GALT: variants seen among roughly 807,000 people sequenced by gnomAD.
The protein encoded by GALT is UDP-glucose--hexose-1-phosphate uridylyltransferase.
A neutral mutation model predicts 55.4 loss-of-function variants in GALT; 42 were observed. The ratio of observed to expected loss-of-function variants is 0.76; its 90% CI spans 0.59 to 0.98. The LOEUF (loss-of-function observed/expected upper bound fraction) is 0.98, where lower values mean the gene tolerates loss of function less well. GALT is among the 50% of genes least tolerant of loss of function. The probability of loss-of-function intolerance (pLI) is 0.00; values close to 1 mark genes in which losing one functional copy is unlikely to be tolerated. For missense variants in GALT, 407 were observed against 495.7 expected (o/e 0.82, Z 1.70); for synonymous variants, 154 against 181.5 (o/e 0.85, Z 1.22).
rs574155491 is a variant in GALT, at chr9:34,649,605, T to G, written c.1059+41T>G. 4.4e-5 allele frequency: 71 copies of G among 1,606,690 alleles called. 1 individual carries two copies. In the South Asian group the frequency reaches 7.4e-4, roughly 17 times the overall value. On this transcript the variant is annotated intron_variant, in intron 10 of 10. Coordinates refer to ENST00000378842, the MANE Select transcript of GALT (RefSeq NM_000155.4). ...AGTCTGGCGTCTCCAGACTCTCACA[T>G]GCAGTATGTGCAGGCACCTGATACT...
rs1821141144 is a variant in GALT, at chr9:34,647,690, C to T, written c.362C>T (p.Ser121Phe). 6.2e-7 allele frequency: 1 copy of T among 1,614,050 alleles called. No homozygotes were observed. Among genetic ancestry groups the T allele is most frequent in the Admixed American group, 1.7e-5 (1 of 60,008 alleles). Residue 121 changes from serine to phenylalanine, a missense_variant, in exon 4 of 11, where the codon TCT becomes TTT. Physicochemically the swap from Ser to Phe is radical, Grantham distance 155 (BLOSUM62 -2). Coordinates refer to ENST00000378842, the MANE Select transcript of GALT (RefSeq NM_000155.4). This position sits in a 1 kb window ranked among gnomAD's most constrained non-coding sequence, Gnocchi z 5.6. Reference sequence around the variant, plus strand: ...GATCATCCCCTTTTCCAAGCAAAGTCTGCTCGAGGAGTCTGGTAACTATGG... The same window carrying T: ...GATCATCCCCTTTTCCAAGCAAAGTTTGCTCGAGGAGTCTGGTAACTATGG... ...PSDHPLFQAK[S>F]ARGVCKVMCF...
intron 1 of GALT, 121 bp from the exon 2 acceptor site, chr9:34,646,968 C>T: frequency 1.2e-6 from 2 of 1,606,286 alleles, no homozygotes; most frequent in Non-Finnish European, 8.5e-7. Flanking sequence ...TCCTGGGCCT[C>T]TAGCTCCTGA....
In GALT at chr9:34,647,803, C is replaced by T. The variant is rs367973697; in HGVS notation, c.378-29C>T. ...CGTAGCACAGCCAAGCCCTACCTCTCGGTTATCTTTTCTCCCGTCACCACC... is the reference window on the plus strand; with the variant it reads ...CGTAGCACAGCCAAGCCCTACCTCTTGGTTATCTTTTCTCCCGTCACCACC... On this transcript the variant is annotated intron_variant, in intron 4 of 10. Transcript: ENST00000378842. The surrounding 1 kb of genome is among the most constrained non-coding windows in gnomAD (Gnocchi z 5.6). 30 of 1,614,194 alleles carry T rather than the reference C, an allele frequency of 1.9e-5. No homozygotes were observed. Among genetic ancestry groups the T allele is most frequent in the East Asian group, 6.7e-5 (3 of 44,888 alleles).
chr9:34,647,364 C>T lies in GALT; in HGVS notation c.252+106C>T. ...TAGTGAACCTCCTTCTGGGTCATAT[C>T]CCACCAAGCTTTTTGGTCCCCTAGG... On this transcript the variant is annotated intron_variant, in intron 2 of 10. Transcript: ENST00000378842. This position sits in a 1 kb window ranked among gnomAD's most constrained non-coding sequence, Gnocchi z 5.6. 6.3e-7 allele frequency: 1 copy of T among 1,586,262 alleles called. No individual in the cohort carries two copies. The highest frequency in any genetic ancestry group is 8.7e-7 in the Non-Finnish European group (1 of 1,155,718).
Position 34,649,060 on chromosome 9 carries a change from C to A in GALT, c.883C>A (p.Pro295Thr), listed in dbSNP as rs111033783. Residue 295 changes from proline to threonine, a missense_variant, in exon 9 of 11, where the codon CCC becomes ACC. Transcript: ENST00000378842. Reference protein sequence around the residue: ...KYDNLFETSFPYSMGWHGAPT... With the variant: ...KYDNLFETSFTYSMGWHGAPT... ...TGACAACCTCTTTGAGACGTCCTTT[C>A]CCTACTCCATGGGCTGGCATGGTGA... 3 of 1,614,032 alleles carry A rather than the reference C, an allele frequency of 1.9e-6. No homozygotes were observed. The highest frequency in any genetic ancestry group is 1.7e-6 in the Non-Finnish European group (2 of 1,180,016).
chr9:34,647,281 C>T lies in GALT; in HGVS notation c.252+23C>T. The T allele has an allele frequency of 1.2e-6, 2 of 1,613,910 alleles. No individual in the cohort carries two copies. The highest frequency in any genetic ancestry group is 1.7e-6 in the Non-Finnish European group (2 of 1,179,874). ...GAGGTAAGCCTGTAGAGCCCTGCATCTGCAGGCTGGGCCACGGGGAGTAGT... is the reference window on the plus strand; with the variant it reads ...GAGGTAAGCCTGTAGAGCCCTGCATTTGCAGGCTGGGCCACGGGGAGTAGT... On this transcript the variant is annotated intron_variant, in intron 2 of 10. Transcript: ENST00000378842. The surrounding 1 kb of genome is among the most constrained non-coding windows in gnomAD (Gnocchi z 5.6).
chr9:34,648,302 G>T lies in GALT; in HGVS notation c.565-32G>T. On this transcript the variant is annotated intron_variant, in intron 6 of 10. Transcript: ENST00000378842. This position sits in a 1 kb window ranked among gnomAD's most constrained non-coding sequence, Gnocchi z 4.9. The stretch of plus-strand genomic sequence containing the variant: ...GTGGAGGCTTGGAGGTAAAGGACCT[G>T]CCTGTTCTTCTCTGCTTTTGCCCCT... 6.2e-7 allele frequency: 1 copy of T among 1,614,028 alleles called. No homozygotes were observed.
At position 34,647,973 on chromosome 9, in the gene GALT, C is replaced by T. The variant is rs199572263; in HGVS notation, c.507+12C>T. ...ACCCTTGGGTGCAGGTTTGTGAGGT[C>T]GCCCCTTCCCCTGGATGGGCAGGGA... On this transcript the variant is annotated intron_variant, in intron 5 of 10. Transcript: ENST00000378842. The surrounding 1 kb of genome is among the most constrained non-coding windows in gnomAD (Gnocchi z 5.6). 234 of 1,614,044 alleles carry T rather than the reference C, an allele frequency of 1.4e-4. 1 individual carries two copies. Among genetic ancestry groups the T allele is most frequent in the Admixed American group, 2.2e-4 (13 of 60,006 alleles).
chr9:34,650,589 T>C lies in GALT; in HGVS notation c.*140T>C, dbSNP rs957664559. On this transcript the variant is annotated 3_prime_UTR_variant, in exon 11 of 11. Coordinates refer to ENST00000378842, the MANE Select transcript of GALT (RefSeq NM_000155.4). Reference sequence around the variant, plus strand: ...CTGTGCATCTCAAACTTTTATCACATACTCTAATATCAGAGGAGTGTGAAC... The same window carrying C: ...CTGTGCATCTCAAACTTTTATCACACACTCTAATATCAGAGGAGTGTGAAC... 6 of 697,398 alleles carry C rather than the reference T, an allele frequency of 8.6e-6. No individual in the cohort carries two copies. In the African/African-American group the frequency reaches 8.8e-5, roughly 10 times the overall value. 43.2% of individuals were successfully genotyped at this position (697,398 alleles called of 1,614,324 possible).
chr9:34,647,800 T>A lies in GALT; in HGVS notation c.378-32T>A. 3 of 1,614,184 alleles carry A rather than the reference T, an allele frequency of 1.9e-6. No homozygotes were observed. The highest frequency in any genetic ancestry group is 2.5e-6 in the Non-Finnish European group (3 of 1,180,028). On this transcript the variant is annotated intron_variant, in intron 4 of 10. Coordinates refer to ENST00000378842, the MANE Select transcript of GALT (RefSeq NM_000155.4). The surrounding 1 kb of genome is among the most constrained non-coding windows in gnomAD (Gnocchi z 5.6). ...GCCCGTAGCACAGCCAAGCCCTACC[T>A]CTCGGTTATCTTTTCTCCCGTCACC...
Position 34,647,778 on chromosome 9 carries a change from C to G in GALT, c.378-54C>G. On this transcript the variant is annotated intron_variant, in intron 4 of 10. Transcript: ENST00000378842. This position sits in a 1 kb window ranked among gnomAD's most constrained non-coding sequence, Gnocchi z 5.6. ...CTCAGCATTGGGGTTCGGCCCTGCC[C>G]GTAGCACAGCCAAGCCCTACCTCTC... 1.9e-6 allele frequency: 3 copies of G among 1,614,148 alleles called. No individual in the cohort carries two copies. Among genetic ancestry groups the G allele is most frequent in the Non-Finnish European group, 2.5e-6 (3 of 1,179,992 alleles).
In GALT at chr9:34,648,721, T is replaced by C; in HGVS notation, c.688-41T>C. ...TATTTGCTGACCACACTCCGGCTCC[T>C]ATGTCACCTTGATGACTTCCTATCC... On this transcript the variant is annotated intron_variant, in intron 7 of 10. Transcript: ENST00000378842. The surrounding 1 kb of genome is among the most constrained non-coding windows in gnomAD (Gnocchi z 4.9). 6.2e-7 allele frequency: 1 copy of C among 1,611,126 alleles called. No homozygotes were observed. The highest frequency in any genetic ancestry group is 8.5e-7 in the Non-Finnish European group (1 of 1,179,812).
Position 34,647,294 on chromosome 9 carries a change from C to G in GALT, c.252+36C>G, listed in dbSNP as rs1394626101. The G allele has an allele frequency of 6.2e-7, 1 of 1,613,284 alleles. No homozygotes were observed. On this transcript the variant is annotated intron_variant, in intron 2 of 10. Coordinates refer to ENST00000378842, the MANE Select transcript of GALT (RefSeq NM_000155.4). The surrounding 1 kb of genome is among the most constrained non-coding windows in gnomAD (Gnocchi z 5.6). ...AGAGCCCTGCATCTGCAGGCTGGGC[C>G]ACGGGGAGTAGTTCCCTCTTAGAAC...
rs886042071 is a variant in GALT, at chr9:34,648,891, G to C, written c.817G>C (p.Asp273His). ...ACCTGAGCTGACCCCTGCTGAGCGT[G>C]ATGGTCAGTCTCCCAAGTAGGATCC... ...RLPELTPAER[D>H]DLASIMKKLL... The change falls in exon 8 of 11, where the codon GAT becomes CAT. Residue 273 changes from aspartate to histidine, a missense_variant. By Grantham distance (81) the Asp-to-His change is moderately conservative. Coordinates refer to ENST00000378842, the MANE Select transcript of GALT (RefSeq NM_000155.4). This position sits in a 1 kb window ranked among gnomAD's most constrained non-coding sequence, Gnocchi z 4.9. 1 of 1,613,414 alleles carries C rather than the reference G, an allele frequency of 6.2e-7. No homozygotes were observed. Among genetic ancestry groups the C allele is most frequent in the Non-Finnish European group, 8.5e-7 (1 of 1,180,040 alleles).
At position 34,647,084 on chromosome 9, in the gene GALT, C is replaced by A. The variant is rs1821121528; in HGVS notation, c.83-5C>A. 1 of 1,614,028 alleles carries A rather than the reference C, an allele frequency of 6.2e-7. No individual in the cohort carries two copies. Among genetic ancestry groups the A allele is most frequent in the Admixed American group, 1.7e-5 (1 of 60,012 alleles). Reference sequence around the variant, plus strand: ...TGAGGACTGATCTTGACTGTCTGCCCCCAGACCATCAGCATATCCGCTACA... The same window carrying A: ...TGAGGACTGATCTTGACTGTCTGCCACCAGACCATCAGCATATCCGCTACA... On this transcript the variant is annotated splice_region_variant and splice_polypyrimidine_tract_variant and intron_variant, in intron 1 of 10. Transcript: ENST00000378842. This position sits in a 1 kb window ranked among gnomAD's most constrained non-coding sequence, Gnocchi z 5.6.
In GALT at chr9:34,647,631, C is replaced by T. The variant is rs558909078; in HGVS notation, c.329-26C>T. 14 of 1,614,164 alleles carry T rather than the reference C, an allele frequency of 8.7e-6. No homozygotes were observed. In the South Asian group the frequency reaches 9.9e-5, roughly 11 times the overall value. ...TAGACCTCTTGAGGGACTTCTGCTG[C>T]AGAGAGTGATACTCCTTTACCTCAG... On this transcript the variant is annotated intron_variant, in intron 3 of 10. Coordinates refer to ENST00000378842, the MANE Select transcript of GALT (RefSeq NM_000155.4). The surrounding 1 kb of genome is among the most constrained non-coding windows in gnomAD (Gnocchi z 5.6).
rs111033768 is a variant in GALT, at chr9:34,648,907, A to C, written c.820+13A>C. On this transcript the variant is annotated intron_variant, in intron 8 of 10. Coordinates refer to ENST00000378842, the MANE Select transcript of GALT (RefSeq NM_000155.4). This position sits in a 1 kb window ranked among gnomAD's most constrained non-coding sequence, Gnocchi z 4.9. ...GCTGAGCGTGATGGTCAGTCTCCCA[A>C]GTAGGATCCTGGGGCTAGGCACTGG... 2 of 1,613,630 alleles carry C rather than the reference A, an allele frequency of 1.2e-6. No individual in the cohort carries two copies. Among genetic ancestry groups the C allele is most frequent in the South Asian group, 1.1e-5 (1 of 91,076 alleles).
Position 34,648,674 on chromosome 9 carries a change from C to A in GALT, c.688-88C>A. ...GAAGACATCAGATCCTGGGCACATTCTTTTCTTCTGCTTCCCTTGCCTATT... is the reference window on the plus strand; with the variant it reads ...GAAGACATCAGATCCTGGGCACATTATTTTCTTCTGCTTCCCTTGCCTATT... On this transcript the variant is annotated intron_variant, in intron 7 of 10. Transcript: ENST00000378842. This position sits in a 1 kb window ranked among gnomAD's most constrained non-coding sequence, Gnocchi z 4.9. The A allele has an allele frequency of 6.4e-6, 10 of 1,568,792 alleles. No individual in the cohort carries two copies. The Admixed American group carries it at 1.7e-4, about 26-fold the overall frequency.
At position 34,646,801 on chromosome 9, in the gene GALT, G is replaced by A. The variant is rs752065555; in HGVS notation, c.82+15G>A. On this transcript the variant is annotated intron_variant, in intron 1 of 10. Coordinates refer to ENST00000378842, the MANE Select transcript of GALT (RefSeq NM_000155.4). ...CCGGGCAAACGGTAACTGCACCGCGGCAGGGACTCGCTGGGGCGCGGAGCC... is the reference window on the plus strand; with the variant it reads ...CCGGGCAAACGGTAACTGCACCGCGACAGGGACTCGCTGGGGCGCGGAGCC... 3 of 1,613,302 alleles carry A rather than the reference G, an allele frequency of 1.9e-6. No homozygotes were observed. The Admixed American group carries it at 5.0e-5, about 27-fold the overall frequency.
Sources: gnomAD v4.1 joint callset for allele counts on GRCh38, gnomAD v4.1.1 for gene constraint, Gnocchi (gnomAD v3.1) non-coding constraint, MANE v1.5 for transcripts, NCBI Gene and HGNC (gene_info 2026-07-23, HGNC 2026-07-21) for gene names.